Variants in NEK11 observed in about 807,000 individuals in gnomAD.
NEK11 encodes the protein NIMA related kinase 11, also known as serine/threonine-protein kinase Nek11.
In NEK11, 72 loss-of-function variants were observed where a neutral mutation model predicts 80.7. The ratio of observed to expected loss-of-function variants is 0.89; its 90% CI spans 0.74 to 1.08. NEK11 has a LOEUF of 1.08. NEK11 is among the 50% of genes least tolerant of loss of function. NEK11 has a pLI of 0.00. For synonymous variants in NEK11, 251 were observed against 260.7 expected, an observed-to-expected ratio of 0.96 and a Z score of 0.36; for missense variants, 764 against 763.6, an observed-to-expected ratio of 1.00 and a Z score of -0.01.
intron 17 of NEK11, among the ~76,000 whole-genome samples, chr3:131,297,984 C>T (rs78857087): frequency 0.76 from 114,847 of 150,758 alleles, 43,860 homozygotes; most frequent in South Asian, 0.81. Context: ...AGATATGCGG[C>T]GTTATTTCTG....
At chr3:131,204,909 C>G (rs899749101) in intron 14 of NEK11, among the ~76,000 whole-genome samples, 2 of 152,032 alleles carry the variant, frequency 1.3e-5, no homozygotes, top group African/African-American at 2.4e-5. Context: ...GGCATTGAAC[C>G]TTGTGACTTC....
At chr3:131,260,832 A>G (rs2095904950) in intron 16 of NEK11, among the ~76,000 whole-genome samples, 1 of 152,184 alleles carries the variant, frequency 6.6e-6, no homozygotes, top group South Asian at 2.1e-4. Context: ...AAGATTAGGT[A>G]AGAAGCATTC....
rs555891983 is a variant in NEK11, at chr3:131,114,684, C to T, written c.455+4763C>T. Among the ~76,000 whole-genome samples, 4 of 152,302 alleles carry T rather than the reference C, an allele frequency of 2.6e-5. No homozygotes were observed. The South Asian group carries it at 8.3e-4, about 32-fold the overall frequency. ...CTCTTCCTCCCAAAGGGACCCCTCA[C>T]TGCAAGGAATAAGAAGCGTGAATAC... On this transcript the variant is annotated intron_variant, in intron 5 of 17. Coordinates refer to ENST00000383366, the MANE Select transcript of NEK11 (RefSeq NM_024800.5).
rs774654019 is a variant in NEK11 at position 131,080,541 on chromosome 3, A to G, written c.289A>G (p.Ser97Gly). ...CCCAGCCATTGTCAAGTTCCATGCA[A>G]GTTTTGTGGAGCAAGATAATTTCTG... is the stretch of plus-strand genomic sequence containing the variant. Reference protein sequence around the residue: ...DHPAIVKFHASFVEQDNFCII... With the variant: ...DHPAIVKFHAGFVEQDNFCII... The change falls in exon 4 of 18, where the codon AGT (serine) becomes GGT (glycine). Residue 97 changes from serine (S) to glycine (G), a missense_variant. By Grantham distance (56) the Ser-to-Gly change is moderately conservative (BLOSUM62 0). Transcript: ENST00000383366. The G allele has an allele frequency of 6.2e-7, 1 of 1,613,784 alleles. No homozygotes were observed. The highest frequency in any genetic ancestry group is 8.5e-7 in the Non-Finnish European group (1 of 1,179,930).
intron 5 of NEK11, among the ~76,000 whole-genome samples, chr3:131,124,042 G>A (rs1038287191): frequency 6.6e-6 from 1 of 152,074 alleles, no homozygotes; most frequent in African/African-American, 2.4e-5. Context: ...AGTCAGACTT[G>A]TCCTCTTGTG....
At chr3:131,049,688 A>G (rs2068028026) in intron 3 of NEK11, among the ~76,000 whole-genome samples, 1 of 152,176 alleles carries the variant, frequency 6.6e-6, no homozygotes, top group Non-Finnish European at 1.5e-5. Flanking sequence ...ACTATGCAGA[A>G]CCAAGATGTC....
At chr3:131,248,941 T>A (rs1031312065) in intron 16 of NEK11, among the ~76,000 whole-genome samples, 1 of 152,048 alleles carries the variant, frequency 6.6e-6, no homozygotes, top group East Asian at 1.9e-4. Flanking sequence ...AAAAGATAGA[T>A]TCCACTGCTA....
chr3:131,270,369 G>C (rs944575149), intron 16 of NEK11, among the ~76,000 whole-genome samples: 1 of 152,108 alleles, frequency 6.6e-6, no homozygotes, highest in Non-Finnish European at 1.5e-5. Flanking sequence ...ATATGGAAAC[G>C]TAGAATCCCA....
chr3:131,288,450 C>CTTTCTTTCTTTCTTTTTTTTTTTTT (rs536834704), intron 17 of NEK11, among the ~76,000 whole-genome samples: 3 of 115,392 alleles, frequency 2.6e-5, no homozygotes, highest in Non-Finnish European at 3.7e-5. Context: ...TTCTTTCTTT[C>CTTTCTTTCTTTCTTTTTTTTTTTTT]TTTTTTTTTT....
chr3:131,269,516 G>C (rs207463717), intron 16 of NEK11, among the ~76,000 whole-genome samples: 1 of 152,142 alleles, frequency 6.6e-6, no homozygotes, highest in Non-Finnish European at 1.5e-5. Context: ...CCTTGGCTAG[G>C]CGACGCCCCA....
At chr3:131,093,863 C>A (rs921815536) in intron 4 of NEK11, among the ~76,000 whole-genome samples, 1 of 151,820 alleles carries the variant, frequency 6.6e-6, no homozygotes, top group Middle Eastern at 3.4e-3. Context: ...ATTATGAAAT[C>A]TTAATTATCA....
chr3:131,272,463 C>CTTCTTTTTTTTTTTTTTTT (rs2096210843), intron 16 of NEK11, among the ~76,000 whole-genome samples: 30 of 43,900 alleles, frequency 6.8e-4, no homozygotes, highest in African/African-American at 2.6e-3. Context: ...GTTTTAGCTT[C>CTTCTTTTTTTTTTTTTTTT]TTTTTTTTTT....
intron 17 of NEK11, among the ~76,000 whole-genome samples, chr3:131,338,440 C>T (rs1287956980): frequency 3.9e-5 from 6 of 152,050 alleles, no homozygotes; most frequent in Non-Finnish European, 8.8e-5. Context: ...TAAGCAGTTT[C>T]TTATAAAGTT....
intron 14 of NEK11, among the ~76,000 whole-genome samples, chr3:131,226,089 T>TAGAAAAGAGTTTTCTTA (rs2095185108): frequency 6.6e-6 from 1 of 151,446 alleles, no homozygotes; most frequent in Non-Finnish European, 1.5e-5. Flanking sequence ...GGAGAGGAAG[T>TAGAAAAGAGTTTTCTTA]AGAAAAGAGT....
At chr3:131,034,894 C>T (rs576123699) in intron 3 of NEK11, among the ~76,000 whole-genome samples, 4 of 152,306 alleles carry the variant, frequency 2.6e-5, no homozygotes, top group African/African-American at 9.6e-5. Context: ...CCCTTTCCAA[C>T]TCAATATTAT....
intron 16 of NEK11, among the ~76,000 whole-genome samples, chr3:131,252,278 G>T (rs1264517189): frequency 6.6e-6 from 1 of 152,070 alleles, no homozygotes; most frequent in Admixed American, 6.6e-5. Context: ...CTTTGGTAAT[G>T]CCCAGGTGCC....
intron 7 of NEK11, among the ~76,000 whole-genome samples, chr3:131,142,849 A>G (rs1255991462): frequency 6.6e-6 from 1 of 152,146 alleles, no homozygotes; most frequent in Non-Finnish European, 1.5e-5. Context: ...ACCACTACAG[A>G]GGAGAGAGCT....
intron 3 of NEK11, among the ~76,000 whole-genome samples, chr3:131,076,036 A>C (rs2074291647): frequency 6.6e-6 from 1 of 152,112 alleles, no homozygotes; most frequent in Non-Finnish European, 1.5e-5. Context: ...TGCAGCTCAC[A>C]CTCACATCAA....
intron 2 of NEK11, among the ~76,000 whole-genome samples, chr3:131,029,157 C>G (rs575116719): frequency 1.5e-4 from 23 of 152,304 alleles, no homozygotes; most frequent in Admixed American, 2.6e-4. Context: ...GGAAACAGCA[C>G]CTGCTAATTC....
Sources: allele counts gnomAD v4.1 joint callset (sites outside exome capture counted in the v4.1 genomes callset), GRCh38; gene constraint gnomAD v4.1.1; transcripts MANE v1.5; gene names NCBI Gene and HGNC (gene_info 2026-07-23, HGNC 2026-07-21).